Variants in NCOA7 observed in about 807,000 individuals in gnomAD.
NCOA7 encodes the protein nuclear receptor coactivator 7.
Under a neutral mutation model 104.3 loss-of-function variants are expected in NCOA7, and 45 were observed. The ratio of observed to expected loss-of-function variants is 0.43; its 90% CI spans 0.34 to 0.55. The LOEUF is 0.55. Ranked by LOEUF, NCOA7 falls within the 20% of genes least tolerant of loss-of-function variation. NCOA7 has a pLI of 0.02. For synonymous variants in NCOA7, 398 were observed against 402.3 expected (o/e 0.99, Z 0.13); for missense variants, 1,041 against 1,119.7 (o/e 0.93, Z 1.00).
intron 2 of NCOA7, among the ~76,000 whole-genome samples, chr6:125,831,204 A>C (rs1234781641): frequency 1.3e-5 from 2 of 152,228 alleles, no homozygotes; most frequent in Non-Finnish European, 2.9e-5. Context: ...CCTTAAGAAA[A>C]GTAGTGACAT....
At chr6:125,852,705 A>T (rs1331073364) in intron 2 of NCOA7, among the ~76,000 whole-genome samples, 1 of 152,088 alleles carries the variant, frequency 6.6e-6, no homozygotes, top group Non-Finnish European at 1.5e-5. Flanking sequence ...TCTGTCGAAG[A>T]TCAGTTGGTT....
intron 13 of NCOA7, among the ~76,000 whole-genome samples, chr6:125,926,114 C>T (rs1432186334): frequency 6.6e-6 from 1 of 151,982 alleles, no homozygotes; most frequent in East Asian, 1.9e-4. Context: ...AGTTCCAGAC[C>T]AGCCTGACCA....
At chr6:125,866,117 G>A (rs1466494001) in intron 3 of NCOA7, among the ~76,000 whole-genome samples, 2 of 129,618 alleles carry the variant, frequency 1.5e-5, no homozygotes, top group Non-Finnish European at 3.2e-5. Context: ...ATCACCTGAG[G>A]TCAGGAGTTT....
intron 8 of NCOA7, among the ~76,000 whole-genome samples, chr6:125,886,822 G>A (rs2128654547): frequency 6.6e-6 from 1 of 152,360 alleles, no homozygotes; most frequent in South Asian, 2.1e-4. Flanking sequence ...ACGTGCAATA[G>A]TTTTTAAAAG....
chr6:125,803,956 T>C (rs1000562733), intron 1 of NCOA7, among the ~76,000 whole-genome samples: 8 of 151,522 alleles, frequency 5.3e-5, no homozygotes. Flanking sequence ...TTTTTTTTTT[T>C]CCTCTCCTGA....
intron 12 of NCOA7, among the ~76,000 whole-genome samples, chr6:125,922,404 C>T (rs537755795): frequency 1.3e-5 from 2 of 152,280 alleles, no homozygotes; most frequent in Admixed American, 1.3e-4. Context: ...GCCTCTTTAT[C>T]CAGCTTGATC....
At chr6:125,837,427 C>T (rs1014884784) in intron 2 of NCOA7, among the ~76,000 whole-genome samples, 3 of 152,102 alleles carry the variant, frequency 2.0e-5, no homozygotes, top group African/African-American at 7.2e-5. Flanking sequence ...TTTCAGAAAA[C>T]ATCCAAGGGG....
chr6:125,830,586 G>C (rs934178188), intron 2 of NCOA7, among the ~76,000 whole-genome samples: 2 of 152,012 alleles, frequency 1.3e-5, no homozygotes, highest in Admixed American at 1.3e-4. Context: ...GTTACTGGCA[G>C]GGGCCTAGGG....
chr6:125,873,734 T>A (rs1162508505), intron 3 of NCOA7, among the ~76,000 whole-genome samples: 1 of 152,248 alleles, frequency 6.6e-6, no homozygotes, highest in Non-Finnish European at 1.5e-5. Flanking sequence ...ACAGTTTACA[T>A]TCCTTGTAGT....
intron 8 of NCOA7, among the ~76,000 whole-genome samples, chr6:125,886,986 A>T (rs1030768634): frequency 3.3e-5 from 5 of 152,258 alleles, no homozygotes; most frequent in Non-Finnish European, 7.3e-5. Flanking sequence ...GTTGATCATC[A>T]TTAGGTGCCA....
intron 6 of NCOA7, 73 bp from the exon 7 acceptor site, chr6:125,882,352 TG>T: frequency 6.7e-7 from 1 of 1,482,070 alleles, no homozygotes; most frequent in Non-Finnish European, 9.2e-7. Context: ...AGGGAATTTA[TG>T]GGGCTTGATT....
intron 2 of NCOA7, among the ~76,000 whole-genome samples, chr6:125,840,867 G>GTTTTTTTTTTTTTTTTTTTTTTTTTTTT (rs1305583308): frequency 2.0e-5 from 1 of 50,658 alleles, no homozygotes; most frequent in Non-Finnish European, 3.8e-5. Context: ...TTGTTTGGTT[G>GTTTTTTTTTTTTTTTTTTTTTTTTTTTT]GTTTTTTTTT....
intron 1 of NCOA7, among the ~76,000 whole-genome samples, chr6:125,792,395 G>A (rs1007689822): frequency 4.6e-5 from 7 of 152,108 alleles, no homozygotes; most frequent in Admixed American, 3.3e-4. Flanking sequence ...AAAATTTCCA[G>A]TCTCACTGGT....
At chr6:125,800,384 G>C (rs58745512) in intron 1 of NCOA7, among the ~76,000 whole-genome samples, 1 of 152,112 alleles carries the variant, frequency 6.6e-6, no homozygotes, top group Admixed American at 6.5e-5. Context: ...TTTTAGTTAT[G>C]TGCCTTATAA....
chr6:125,849,119 A>G (rs1780887845), intron 2 of NCOA7, among the ~76,000 whole-genome samples: 1 of 152,218 alleles, frequency 6.6e-6, no homozygotes, highest in Non-Finnish European at 1.5e-5. Context: ...GCTTACTGCC[A>G]GTGCCCCAAA....
At chr6:125,793,311 T>C (rs957646094) in intron 1 of NCOA7, among the ~76,000 whole-genome samples, 2 of 152,190 alleles carry the variant, frequency 1.3e-5, no homozygotes, top group African/African-American at 4.8e-5. Flanking sequence ...AAAAAAGCCC[T>C]CCCCTTTGGT....
intron 10 of NCOA7, among the ~76,000 whole-genome samples, chr6:125,914,332 G>T (rs1347196556): frequency 2.6e-5 from 4 of 152,180 alleles, no homozygotes; most frequent in African/African-American, 9.7e-5. Context: ...AACAGTTATG[G>T]CTTGGCTCTG....
At chr6:125,821,794 G>A (rs1233587739) in intron 2 of NCOA7, among the ~76,000 whole-genome samples, 2 of 151,886 alleles carry the variant, frequency 1.3e-5, no homozygotes, top group African/African-American at 2.4e-5. Flanking sequence ...GTTGCATGTT[G>A]TCTGAAAAGA....
chr6:125,825,174 CAAA>C (rs60707053), intron 2 of NCOA7, among the ~76,000 whole-genome samples: 1 of 54,102 alleles, frequency 1.8e-5, no homozygotes, highest in Non-Finnish European at 4.2e-5. Context: ...CCTGTCTCTA[CAAA>C]AAAAAAAAAA....
Sources: allele counts gnomAD v4.1 joint callset (sites outside exome capture counted in the v4.1 genomes callset), GRCh38; gene constraint gnomAD v4.1.1; transcripts MANE v1.5; gene names NCBI Gene and HGNC (gene_info 2026-07-23, HGNC 2026-07-21).